Variants in PGBD2 observed in about 807,000 individuals in gnomAD.
PGBD2 encodes the protein piggyBac transposable element-derived protein 2.
Under a neutral mutation model 8.1 loss-of-function variants are expected in PGBD2, and 6 were observed. The observed-to-expected ratio is 0.74, with a 90% CI of 0.40 to 1.46. The LOEUF is 1.46. Among genes scored for constraint, PGBD2 ranks in the 40% most tolerant of loss-of-function variants. PGBD2 has a pLI of 0.02. For missense variants in PGBD2, 802 were observed against 739.0 expected (o/e 1.09, Z -0.99); for synonymous variants, 318 against 272.2 (o/e 1.17, Z -1.66).
At chr1:248,922,888 T>A (rs969802278), downstream of PGBD2, among the ~76,000 whole-genome samples, 3 of 152,222 alleles carry the variant, frequency 2.0e-5, no homozygotes, top group African/African-American at 7.2e-5. Context: ...TTTGCGTTGA[T>A]GTTCATCAGG....
At chr1:248,910,476 G>A (rs2103106168) in intron 1 of PGBD2, among the ~76,000 whole-genome samples, 1 of 152,286 alleles carries the variant, frequency 6.6e-6, no homozygotes. Flanking sequence ...CCATTTTACA[G>A]GTGAAAGACA....
At chr1:248,923,899 C>G (rs552245484), downstream of PGBD2, among the ~76,000 whole-genome samples, 41 of 152,298 alleles carry the variant, frequency 2.7e-4, no homozygotes, top group South Asian at 8.5e-3. Context: ...TTCTCTGGAC[C>G]AGCTACCAAG....
the PGBD2 span, among the ~76,000 whole-genome samples, chr1:248,874,382 ATGACT>A: frequency 6.6e-6 from 1 of 152,332 alleles, no homozygotes; most frequent in African/African-American, 2.4e-5. Flanking sequence ...AGAGTCAGCT[ATGACT>A]TGACTTCTAA....
the PGBD2 span, among the ~76,000 whole-genome samples, chr1:248,895,209 A>G: frequency 6.6e-6 from 1 of 152,176 alleles, no homozygotes; most frequent in East Asian, 1.9e-4. Flanking sequence ...AACTTAACAA[A>G]GAGAAAGAAG....
At chr1:248,874,240 TC>T in the PGBD2 span, among the ~76,000 whole-genome samples, 75 of 152,288 alleles carry the variant, frequency 4.9e-4, no homozygotes, top group African/African-American at 1.7e-3. Flanking sequence ...AAATGACGCA[TC>T]ATGTCTTCCC....
the PGBD2 span, among the ~76,000 whole-genome samples, chr1:248,881,142 C>G: frequency 8.3e-3 from 1,269 of 152,260 alleles, 24 homozygotes; most frequent in African/African-American, 0.029. Context: ...AAAACAGTCT[C>G]ATTGCTTAAA....
chr1:248,914,185 G>T (rs1011248237), intron 2 of PGBD2, among the ~76,000 whole-genome samples: 1 of 152,170 alleles, frequency 6.6e-6, no homozygotes, highest in South Asian at 2.1e-4. Flanking sequence ...CTCAGTCCCC[G>T]CAGGGTTTCT....
chr1:248,873,875 T>A, the PGBD2 span, among the ~76,000 whole-genome samples: 2 of 152,210 alleles, frequency 1.3e-5, no homozygotes, highest in East Asian at 3.8e-4. Context: ...CCGAGTGGTC[T>A]AAGGCGCCAG....
chr1:248,910,076 A>G (rs1200609843), intron 1 of PGBD2, among the ~76,000 whole-genome samples: 4 of 152,234 alleles, frequency 2.6e-5, no homozygotes, highest in Non-Finnish European at 5.9e-5. Flanking sequence ...AGGTGAAGCA[A>G]CTGTGACATG....
the PGBD2 span, among the ~76,000 whole-genome samples, chr1:248,891,521 C>G: frequency 6.6e-6 from 1 of 152,290 alleles, no homozygotes; most frequent in Non-Finnish European, 1.5e-5. Context: ...AAGAGAATGT[C>G]TAAAGTACTT....
the PGBD2 span, among the ~76,000 whole-genome samples, chr1:248,873,197 C>G: frequency 1.3e-5 from 2 of 151,858 alleles, no homozygotes; most frequent in Admixed American, 6.6e-5. Context: ...ACTGCCAGAG[C>G]TGCTCTGCAC....
At chr1:248,874,713 C>G in the PGBD2 span, among the ~76,000 whole-genome samples, 1 of 152,234 alleles carries the variant, frequency 6.6e-6, no homozygotes, top group African/African-American at 2.4e-5. Context: ...GAGTAATTGT[C>G]GCTATGGAAA....
chr1:248,894,525 T>C, the PGBD2 span, among the ~76,000 whole-genome samples: 1 of 152,214 alleles, frequency 6.6e-6, no homozygotes, highest in Non-Finnish European at 1.5e-5. Context: ...ACTATCATTT[T>C]CCTATTGTGT....
the PGBD2 span, among the ~76,000 whole-genome samples, chr1:248,928,817 T>C: frequency 1.3e-5 from 2 of 152,212 alleles, no homozygotes; most frequent in Non-Finnish European, 2.9e-5. Flanking sequence ...ACCCAGTGAC[T>C]TTTCGCACCT....
chr1:248,920,309 C>T (rs1482395603), downstream of PGBD2, among the ~76,000 whole-genome samples: 1 of 152,058 alleles, frequency 6.6e-6, no homozygotes, highest in East Asian at 1.9e-4. Context: ...GCCCCCCACC[C>T]CCTGACAGGT....
chr1:248,878,210 C>T, the PGBD2 span, among the ~76,000 whole-genome samples: 1 of 150,624 alleles, frequency 6.6e-6, no homozygotes, highest in Non-Finnish European at 1.5e-5. Flanking sequence ...GACGGAGTCT[C>T]GCTCTGTCGC....
rs1558290615 is a variant in PGBD2, at chr1:248,918,117, G to A, written c.1533G>A (p.Val511=). The change falls in exon 3 of 3, where the codon GTG becomes GTA. Residue 511 remains valine (V), a synonymous_variant. Coordinates refer to ENST00000329291, the MANE Select transcript of PGBD2 (RefSeq NM_170725.3). The stretch of plus-strand genomic sequence containing the variant: ...GAATCTGCTGCCAAGATGCCCAGGT[G>A]GACCTCCTTGCCTTCCGGAGATACA... ...LHRICCQDAQ[V]DLLAFRRYIA... 1.2e-6 allele frequency: 2 copies of A among 1,614,220 alleles called. No homozygotes were observed. The highest frequency in any genetic ancestry group is 3.3e-5 in the Admixed American group (2 of 60,024).
chr1:248,875,308 C>CAAAAAAA, the PGBD2 span, among the ~76,000 whole-genome samples: 109 of 110,204 alleles, frequency 9.9e-4, no homozygotes, highest in South Asian at 2.5e-3. Flanking sequence ...AAAAACAAAA[C>CAAAAAAA]AAAAAAAAAA....
At chr1:248,875,681 T>C in the PGBD2 span, among the ~76,000 whole-genome samples, 1 of 152,230 alleles carries the variant, frequency 6.6e-6, no homozygotes, top group African/African-American at 2.4e-5. Flanking sequence ...TATTTCTCTC[T>C]GGGTATCTTT....
Sources: allele counts gnomAD v4.1 joint callset (sites outside exome capture counted in the v4.1 genomes callset), GRCh38; gene constraint gnomAD v4.1.1; transcripts MANE v1.5; gene names NCBI Gene and HGNC (gene_info 2026-07-23, HGNC 2026-07-21).